Variants in BMP2K observed in about 807,000 individuals in gnomAD.
BMP2K encodes the protein BMP2 inducible kinase.
A neutral mutation model predicts 116.0 loss-of-function variants in BMP2K; 74 were observed. The observed-to-expected ratio is 0.64, with a 90% CI of 0.53 to 0.77. BMP2K has a LOEUF of 0.77. BMP2K is among the 30% of genes least tolerant of loss of function. The pLI is 0.00. For missense variants in BMP2K, 1,365 were observed against 1,403.6 expected (o/e 0.97, Z 0.44); for synonymous variants, 486 against 502.5 (o/e 0.97, Z 0.44).
Position 78,845,039 on chromosome 4 carries a change from G to A in BMP2K, c.658G>A (p.Glu220Lys). 3 of 1,575,798 alleles carry A rather than the reference G, an allele frequency of 1.9e-6. No homozygotes were observed. Among genetic ancestry groups the A allele is most frequent in the Non-Finnish European group, 2.6e-6 (3 of 1,152,482 alleles). The change falls in exon 5 of 16, where the codon GAA becomes AAA. Residue 220 changes from glutamate (E) to lysine (K), a missense_variant. Physicochemically the swap from Glu to Lys is moderately conservative, Grantham distance 56 (BLOSUM62 1). Transcript: ENST00000502613. ...QKDGVNVVEE[E>K]IKKYTTLSYR... is the part of the protein sequence containing the mutation. ...AGATGGAGTTAATGTAGTAGAAGAA[G>A]AAATTAAAAAGTAAGTATTTGTCTT...
intron 1 of BMP2K, among the ~76,000 whole-genome samples, chr4:78,782,869 T>C (rs1027561821): frequency 2.0e-5 from 3 of 152,212 alleles, no homozygotes; most frequent in Non-Finnish European, 4.4e-5. Flanking sequence ...TGTCCAGTAG[T>C]ACTTACTCAG....
Position 78,887,212 on chromosome 4 carries a change from G to A in BMP2K, c.1990G>A (p.Asp664Asn). ...EERASSDKNV[D>N]SLSAPHNHPP... Reference sequence around the variant, plus strand: ...GAGAGCATCCTCAGATAAGAATGTAGACTCACTTTCTGCTCCACATAACCA... The same window carrying A: ...GAGAGCATCCTCAGATAAGAATGTAAACTCACTTTCTGCTCCACATAACCA... Residue 664 changes from aspartate to asparagine, a missense_variant, in exon 15 of 16, where the codon GAC (aspartate) becomes AAC (asparagine). Asp to Asn is a conservative substitution (Grantham distance 23). Coordinates refer to ENST00000502613, the MANE Select transcript of BMP2K (RefSeq NM_198892.2). 6.2e-7 allele frequency: 1 copy of A among 1,611,444 alleles called. No homozygotes were observed.
intron 15 of BMP2K, chr4:78,906,284 T>G (rs1307478561): frequency 6.6e-6 from 1 of 152,114 alleles, no homozygotes; most frequent in East Asian, 1.9e-4. Flanking sequence ...TTAAACAATG[T>G]CAGTGTGGGT....
intron 14 of BMP2K, among the ~76,000 whole-genome samples, chr4:78,884,283 T>C (rs2110071514): frequency 6.6e-6 from 1 of 152,266 alleles, no homozygotes; most frequent in East Asian, 1.9e-4. Flanking sequence ...GCCATGATCA[T>C]GCCACTGCGC....
chr4:78,800,411 T>G lies in BMP2K; in HGVS notation c.178+23690T>G, dbSNP rs145560501. Among the ~76,000 whole-genome samples, 13 of 152,286 alleles carry G rather than the reference T, an allele frequency of 8.5e-5. No individual in the cohort carries two copies. In the East Asian group the frequency reaches 2.5e-3, roughly 29 times the overall value. ...AGTTAACAAAGCCCATATGGCACACTCTCTATCTTCTGTGACTTAATTACC... is the reference window on the plus strand; with the variant it reads ...AGTTAACAAAGCCCATATGGCACACGCTCTATCTTCTGTGACTTAATTACC... On this transcript the variant is annotated intron_variant, in intron 1 of 15. Transcript: ENST00000502613.
At chr4:78,900,499 A>G (rs752983771) in intron 15 of BMP2K, among the ~76,000 whole-genome samples, 1 of 152,232 alleles carries the variant, frequency 6.6e-6, no homozygotes, top group Non-Finnish European at 1.5e-5. Flanking sequence ...TGAGAGTCTA[A>G]CAAGACATAA....
rs115870639 is a variant in BMP2K at position 78,810,549 on chromosome 4, A to G, written c.179-15488A>G. 8.0e-3 allele frequency among the ~76,000 whole-genome samples: 1,223 copies of G among 152,292 alleles called. 25 individuals are homozygous for G. Among genetic ancestry groups the G allele is most frequent in the African/African-American group, 0.028 (1,173 of 41,558 alleles). ...GGCTTTTTGCACAGAGTGCCGAGTCAGGTCACATAAAGACAAACCTGGAGA... is the reference window on the plus strand; with the variant it reads ...GGCTTTTTGCACAGAGTGCCGAGTCGGGTCACATAAAGACAAACCTGGAGA... On this transcript the variant is annotated intron_variant, in intron 1 of 15. Coordinates refer to ENST00000502613, the MANE Select transcript of BMP2K (RefSeq NM_198892.2).
At chr4:78,883,751 A>C (rs1732960474) in intron 14 of BMP2K, among the ~76,000 whole-genome samples, 2 of 152,242 alleles carry the variant, frequency 1.3e-5, no homozygotes, top group South Asian at 4.1e-4. Flanking sequence ...GGGACTCATT[A>C]TTATAGTAGT....
rs376045171 is a variant in BMP2K at position 78,911,512 on chromosome 4, A to G, written c.2965A>G (p.Met989Val). 14 of 1,614,074 alleles carry G rather than the reference A, an allele frequency of 8.7e-6. No homozygotes were observed. Among genetic ancestry groups the G allele is most frequent in the Non-Finnish European group, 1.1e-5 (13 of 1,179,898 alleles). The change falls in exon 16 of 16, where the codon ATG becomes GTG. Residue 989 changes from methionine to valine, a missense_variant. Transcript: ENST00000502613. ...TCGCCAAAGGCGCACAAAGCAGGAT[A>G]TGTCCAAAAGTAATGGGAAGCGGCA... ...SSRQRRTKQD[M>V]SKSNGKRHHG...
chr4:78,795,334 A>G (rs1211298031), intron 1 of BMP2K, among the ~76,000 whole-genome samples: 1 of 152,214 alleles, frequency 6.6e-6, no homozygotes, highest in Non-Finnish European at 1.5e-5. Context: ...CTGTTGTGAG[A>G]TAATTGCAGT....
At chr4:78,853,098 T>G (rs1222303722) in intron 7 of BMP2K, among the ~76,000 whole-genome samples, 1 of 152,326 alleles carries the variant, frequency 6.6e-6, no homozygotes, top group Non-Finnish European at 1.5e-5. Context: ...TGTGTATTCA[T>G]GCAATGTAGT....
At chr4:78,788,696 G>GT (rs557913441) in intron 1 of BMP2K, among the ~76,000 whole-genome samples, 17,793 of 144,572 alleles carry the variant, frequency 0.12, 3,360 homozygotes, top group African/African-American at 0.41. Flanking sequence ...AAACTCATGA[G>GT]TTTTTTTTTT....
intron 7 of BMP2K, chr4:78,859,069 A>G (rs935899045): frequency 2.6e-5 from 4 of 151,956 alleles, no homozygotes; most frequent in Admixed American, 2.0e-4. Context: ...TGTTGTTAGC[A>G]TCAATATGGG....
At chr4:78,823,646 G>A (rs1057005151) in intron 1 of BMP2K, among the ~76,000 whole-genome samples, 13 of 149,790 alleles carry the variant, frequency 8.7e-5, no homozygotes, top group Middle Eastern at 3.5e-3. Context: ...AGTTATGTCT[G>A]TATATCTGTA....
At chr4:78,877,107 T>C (rs957940397) in intron 13 of BMP2K, among the ~76,000 whole-genome samples, 1 of 152,078 alleles carries the variant, frequency 6.6e-6, no homozygotes, top group African/African-American at 2.4e-5. Context: ...ACTGGAAGTT[T>C]TTCTGGGTGG....
chr4:78,870,878 CA>C lies in BMP2K; in HGVS notation c.1328del (p.Gln443ArgfsTer77), dbSNP rs941649302. On this transcript the variant is annotated frameshift_variant, in exon 11 of 16. Transcript: ENST00000502613. LOFTEE classifies it high-confidence loss of function. ...QQHRVLQQLQ[Q>X]GDWRLQQLHL... The stretch of plus-strand genomic sequence containing the variant: ...GCATAGAGTACTCCAGCAACTACAG[CA>C]GGGAGATTGGAGATTACAGCAACTC... The C allele has an allele frequency of 1.2e-6, 2 of 1,613,902 alleles. No individual in the cohort carries two copies. Among genetic ancestry groups the C allele is most frequent in the Non-Finnish European group, 1.7e-6 (2 of 1,179,980 alleles).
chr4:78,874,454 C>G (rs1732536998), intron 13 of BMP2K, among the ~76,000 whole-genome samples: 1 of 152,070 alleles, frequency 6.6e-6, no homozygotes, highest in Non-Finnish European at 1.5e-5. Flanking sequence ...CATTAAAAAT[C>G]AGATATTCTG....
rs187788173 is a variant in BMP2K at position 78,846,258 on chromosome 4, G to A, written c.669-930G>A. On this transcript the variant is annotated intron_variant, in intron 5 of 15. Transcript: ENST00000502613. ...CATTCAGTTGACAAGTATTTATTAA[G>A]GGCCAACACTTTTTTGATGCTGGGG... Among the ~76,000 whole-genome samples the A allele has an allele frequency of 3.5e-3, 535 of 151,602 alleles. 5 individuals are homozygous for A. Among genetic ancestry groups the A allele is most frequent in the Non-Finnish European group, 4.0e-3 (269 of 67,630 alleles).
At chr4:78,897,531 G>A (rs1001356399) in intron 15 of BMP2K, among the ~76,000 whole-genome samples, 1 of 152,054 alleles carries the variant, frequency 6.6e-6, no homozygotes, top group Non-Finnish European at 1.5e-5. Context: ...TATTAGCACA[G>A]CTATTTGAAT....
Sources: gnomAD v4.1 joint callset for allele counts (sites outside exome capture counted in the v4.1 genomes callset) on GRCh38, gnomAD v4.1.1 for gene constraint, MANE v1.5 for transcripts, NCBI Gene and HGNC (gene_info 2026-07-23, HGNC 2026-07-21) for gene names.